The following TESK2 variants were observed in gnomAD, a reference collection of about 807,000 sequenced individuals.
TESK2 encodes the protein dual specificity testis-specific protein kinase 2.
A neutral mutation model predicts 57.1 loss-of-function variants in TESK2; 39 were observed. The observed-to-expected ratio is 0.68, with a 90% CI of 0.53 to 0.89. The LOEUF is 0.89. TESK2 is among the 40% of genes least tolerant of loss of function. The pLI is 0.00. For synonymous variants in TESK2, 249 were observed against 267.9 expected (o/e 0.93, Z 0.69); for missense variants, 646 against 732.1 (o/e 0.88, Z 1.36).
chr1:45,483,231 A>G (rs1167066888), intron 1 of TESK2, among the ~76,000 whole-genome samples: 9 of 151,358 alleles, frequency 5.9e-5, no homozygotes, highest in African/African-American at 2.2e-4. Flanking sequence ...CAATGAGCTG[A>G]GATCACACCA....
At chr1:45,465,514 A>C in intron 1 of TESK2, among the ~76,000 whole-genome samples, 1 of 151,954 alleles carries the variant, frequency 6.6e-6, no homozygotes, top group East Asian at 1.9e-4. Context: ...GAGACAAAGA[A>C]AGAAAGAAAA....
intron 2 of TESK2, among the ~76,000 whole-genome samples, chr1:45,441,773 C>T (rs1307618874): frequency 4.6e-5 from 7 of 151,850 alleles, no homozygotes; most frequent in Non-Finnish European, 7.4e-5. Flanking sequence ...CGTGCCACCA[C>T]GCCCAGCTAA....
chr1:45,482,835 C>T (rs1436234555), intron 1 of TESK2, among the ~76,000 whole-genome samples: 1 of 151,780 alleles, frequency 6.6e-6, no homozygotes, highest in Non-Finnish European at 1.5e-5. Flanking sequence ...CAAAAATTAG[C>T]TGGGCGTGGT....
intron 2 of TESK2, among the ~76,000 whole-genome samples, chr1:45,439,517 A>G (rs923788067): frequency 7.2e-5 from 11 of 152,240 alleles, no homozygotes. Flanking sequence ...ATTATTTATA[A>G]CATTATTCTA....
chr1:45,403,936 T>C (rs559573006), intron 3 of TESK2, among the ~76,000 whole-genome samples: 245 of 142,250 alleles, frequency 1.7e-3, no homozygotes, highest in Non-Finnish European at 3.0e-3. Flanking sequence ...TTAATACATA[T>C]ACATACAGTG....
intron 2 of TESK2, among the ~76,000 whole-genome samples, chr1:45,434,770 C>T (rs1171783749): frequency 3.3e-5 from 5 of 151,774 alleles, no homozygotes; most frequent in African/African-American, 9.7e-5. Context: ...AAATAGTTTA[C>T]GAGTATTTCC....
chr1:45,348,908 GA>G (rs964171075), intron 5 of TESK2, among the ~76,000 whole-genome samples: 1 of 151,968 alleles, frequency 6.6e-6, no homozygotes, highest in East Asian at 1.9e-4. Context: ...CATGCTCACT[GA>G]AAAAATGCTG....
At chr1:45,453,214 C>T (rs1483202726) in intron 2 of TESK2, among the ~76,000 whole-genome samples, 2 of 150,998 alleles carry the variant, frequency 1.3e-5, no homozygotes, top group East Asian at 1.9e-4. Flanking sequence ...AGGTATGATG[C>T]TGTGTGTCTG....
Position 45,345,972 on chromosome 1 carries a change from G to C in TESK2, c.902C>G (p.Ser301Cys). The C allele has an allele frequency of 6.2e-7, 1 of 1,614,092 alleles. No homozygotes were observed. Among genetic ancestry groups the C allele is most frequent in the Non-Finnish European group, 8.5e-7 (1 of 1,179,974 alleles). The change falls in exon 10 of 11, where the codon TCT (serine) becomes TGT (cysteine). Residue 301 changes from serine to cysteine, a missense_variant. Coordinates refer to ENST00000372086, the MANE Select transcript of TESK2 (RefSeq NM_007170.3). ...CAGGGTCTTCCCAATCTCCACAAAA[G>C]ATGGGCGCAGTTTGGGATCCATCTG... Reference protein sequence around the residue: ...CCNMDPKLRPSFVEIGKTLEE... With the variant: ...CCNMDPKLRPCFVEIGKTLEE...
intron 4 of TESK2, among the ~76,000 whole-genome samples, chr1:45,359,837 C>G (rs1647601226): frequency 6.6e-6 from 1 of 152,058 alleles, no homozygotes; most frequent in South Asian, 2.1e-4. Flanking sequence ...GCACTCCAGC[C>G]TGGGCAACAG....
At chr1:45,444,616 C>T (rs1240506646) in intron 2 of TESK2, among the ~76,000 whole-genome samples, 4 of 152,074 alleles carry the variant, frequency 2.6e-5, no homozygotes, top group African/African-American at 9.7e-5. Context: ...TCTATTTGAC[C>T]CCAGCAGAGG....
intron 3 of TESK2, among the ~76,000 whole-genome samples, chr1:45,402,956 T>C (rs1557559455): frequency 6.6e-6 from 1 of 151,776 alleles, no homozygotes; most frequent in Non-Finnish European, 1.5e-5. Flanking sequence ...CATCATTTCT[T>C]GGACTTGGGC....
In TESK2 at chr1:45,421,667, T is replaced by C. The variant is rs548070866; in HGVS notation, c.344+58A>G. On this transcript the variant is annotated intron_variant, in intron 3 of 10. Transcript: ENST00000372086. ...CCTTTTTTTCCTATTAGTGCTATTC[T>C]AGCAAGCCTCCAATGTTTCAGTTTT... The C allele has an allele frequency of 5.0e-5, 80 of 1,608,024 alleles. 2 individuals are homozygous for C. The South Asian group carries it at 7.6e-4, about 15-fold the overall frequency.
intron 1 of TESK2, among the ~76,000 whole-genome samples, chr1:45,476,587 C>T (rs574615953): frequency 2.6e-4 from 40 of 152,192 alleles, no homozygotes; most frequent in African/African-American, 9.6e-4. Flanking sequence ...GTGGCTCACA[C>T]CTGTAATCCC....
At chr1:45,458,028 T>C (rs367558851) in intron 1 of TESK2, among the ~76,000 whole-genome samples, 157 bp from the exon 2 acceptor site, 1 of 152,192 alleles carries the variant, frequency 6.6e-6, no homozygotes, top group Non-Finnish European at 1.5e-5. Flanking sequence ...AACACTGATA[T>C]ATTTAAAGCC....
chr1:45,464,475 T>C (rs1440018179), intron 1 of TESK2, among the ~76,000 whole-genome samples: 1 of 152,048 alleles, frequency 6.6e-6, no homozygotes, highest in African/African-American at 2.4e-5. Context: ...CTTTCACTTA[T>C]TTGGTTAAGA....
intron 2 of TESK2, among the ~76,000 whole-genome samples, chr1:45,424,903 G>A (rs1164847912): frequency 6.6e-6 from 1 of 152,122 alleles, no homozygotes; most frequent in Non-Finnish European, 1.5e-5. Context: ...ACTAGGTATA[G>A]AAGGAACATA....
chr1:45,367,811 C>G (rs1429354064), intron 4 of TESK2, among the ~76,000 whole-genome samples: 1 of 150,178 alleles, frequency 6.7e-6, no homozygotes, highest in Non-Finnish European at 1.5e-5. Context: ...GTGCCTCCCA[C>G]CACGCCCAGC....
intron 2 of TESK2, among the ~76,000 whole-genome samples, chr1:45,428,550 T>C (rs1372637994): frequency 1.3e-5 from 2 of 152,150 alleles, no homozygotes; most frequent in African/African-American, 2.4e-5. Flanking sequence ...TCACCCATGT[T>C]TGAATGCAGT....
Sources: gnomAD v4.1 joint callset for allele counts (sites outside exome capture counted in the v4.1 genomes callset) on GRCh38, gnomAD v4.1.1 for gene constraint, MANE v1.5 for transcripts, NCBI Gene and HGNC (gene_info 2026-07-23, HGNC 2026-07-21) for gene names.